Variants in GRM5 observed in about 807,000 individuals in gnomAD.
GRM5 encodes the protein metabotropic glutamate receptor 5.
In GRM5, 19 loss-of-function variants were observed where a neutral mutation model predicts 83.1. The ratio of observed to expected loss-of-function variants is 0.23; its 90% CI spans 0.16 to 0.34. The LOEUF is 0.34. Among genes scored for constraint, GRM5 ranks in the 10% least tolerant of loss-of-function variants. GRM5 has a pLI of 1.00. For missense variants in GRM5, 1,160 were observed against 1,588.3 expected, an observed-to-expected ratio of 0.73 and a Z score of 4.58; for synonymous variants, 675 against 633.6, an observed-to-expected ratio of 1.07 and a Z score of -0.98.
intron 2 of GRM5, among the ~76,000 whole-genome samples, chr11:88,955,198 T>C (rs1012324928): frequency 1.3e-5 from 2 of 152,114 alleles, no homozygotes; most frequent in Non-Finnish European, 2.9e-5. Flanking sequence ...CCAGAAGGAG[T>C]TTACTGTTAT....
chr11:88,786,521 T>C (rs1943071322), intron 3 of GRM5, among the ~76,000 whole-genome samples: 1 of 152,136 alleles, frequency 6.6e-6, no homozygotes, highest in Non-Finnish European at 1.5e-5. Flanking sequence ...CTCAGCCAAC[T>C]AGACTCTTTG....
intron 2 of GRM5, among the ~76,000 whole-genome samples, chr11:88,858,339 G>A (rs1483389924): frequency 1.3e-5 from 2 of 152,020 alleles, no homozygotes; most frequent in African/African-American, 2.4e-5. Context: ...CGCCCCACTC[G>A]TGGATTTTAA....
chr11:88,858,993 A>C (rs541414262), intron 2 of GRM5, among the ~76,000 whole-genome samples: 4 of 152,168 alleles, frequency 2.6e-5, no homozygotes, highest in African/African-American at 9.6e-5. Context: ...ACTGAGAAGG[A>C]ATAGCTCACA....
intron 3 of GRM5, among the ~76,000 whole-genome samples, chr11:88,696,532 C>G (rs976837364): frequency 4.6e-5 from 7 of 152,056 alleles, no homozygotes; most frequent in Non-Finnish European, 8.8e-5. Context: ...TCATAATGTC[C>G]ACCTTGGTGG....
At chr11:88,609,023 G>A (rs982279571) in intron 4 of GRM5, among the ~76,000 whole-genome samples, 2 of 152,178 alleles carry the variant, frequency 1.3e-5, no homozygotes, top group Admixed American at 6.5e-5. Context: ...AGGCTCAGGG[G>A]TATATGTGCA....
chr11:88,744,965 GAAGA>G (rs1591483211), intron 3 of GRM5, among the ~76,000 whole-genome samples: 1 of 152,108 alleles, frequency 6.6e-6, no homozygotes, highest in African/African-American at 2.4e-5. Context: ...GACATTGATT[GAAGA>G]GAGAGTGTAT....
chr11:88,667,493 A>C (rs955247424), intron 3 of GRM5, among the ~76,000 whole-genome samples: 2 of 152,184 alleles, frequency 1.3e-5, no homozygotes, highest in Non-Finnish European at 2.9e-5. Context: ...AAGTTATTGA[A>C]AGTAAAATGC....
chr11:88,928,902 G>GTGTATATATATA (rs1555043261), intron 2 of GRM5, among the ~76,000 whole-genome samples: 3 of 60,260 alleles, frequency 5.0e-5, no homozygotes, highest in African/African-American at 1.1e-4. Context: ...ATGTGTATGT[G>GTGTATATATATA]TATATACACA....
chr11:88,948,480 A>T (rs562171458), intron 2 of GRM5, among the ~76,000 whole-genome samples: 1 of 152,350 alleles, frequency 6.6e-6, no homozygotes, highest in Admixed American at 6.5e-5. Flanking sequence ...TGGTCACATT[A>T]TATCCTTCTT....
chr11:88,916,770 G>GGGA (rs149474184), intron 2 of GRM5, among the ~76,000 whole-genome samples: 3 of 14,674 alleles, frequency 2.0e-4, no homozygotes, highest in Non-Finnish European at 2.5e-4. Context: ...GGAAAAGAGA[G>GGGA]AGAAAAGAGA....
At chr11:88,641,639 T>C (rs567622443) in intron 4 of GRM5, among the ~76,000 whole-genome samples, 1 of 152,136 alleles carries the variant, frequency 6.6e-6, no homozygotes, top group Admixed American at 6.5e-5. Context: ...AAGGGAGAAA[T>C]TTGCCAAAAG....
At chr11:88,680,567 T>A (rs929101635) in intron 3 of GRM5, among the ~76,000 whole-genome samples, 6 of 152,194 alleles carry the variant, frequency 3.9e-5, no homozygotes, top group Admixed American at 3.9e-4. Flanking sequence ...TGGAAGACAG[T>A]GTGGCGATCC....
chr11:89,059,196 T>C (rs1301490115), intron 1 of GRM5, among the ~76,000 whole-genome samples: 12 of 152,150 alleles, frequency 7.9e-5, no homozygotes, highest in Non-Finnish European at 1.5e-4. Flanking sequence ...AGAATTTTTC[T>C]TGAATCTGAT....
chr11:88,567,104 C>G lies in GRM5; in HGVS notation c.2579G>C (p.Ser860Thr). ...GKSSSAASRSSSLVNLWKRRG... is the reference protein window; with the variant it reads ...GKSSSAASRSTSLVNLWKRRG... ...TCTCTTCCACAGGTTGACTAGGCTG[C>G]TGGATCTGCTGGCTGCGGAGGATGA... is the stretch of plus-strand genomic sequence containing the variant. The change falls in exon 8 of 10, where the codon AGC becomes ACC. Residue 860 changes from serine to threonine, a missense_variant. Physicochemically the swap from Ser to Thr is moderately conservative, Grantham distance 58. Transcript: ENST00000305447. This position sits in a 1 kb window ranked among gnomAD's most constrained non-coding sequence, Gnocchi z 7.3. The G allele has an allele frequency of 6.2e-7, 1 of 1,613,946 alleles. No individual in the cohort carries two copies. The highest frequency in any genetic ancestry group is 8.5e-7 in the Non-Finnish European group (1 of 1,179,870).
chr11:88,880,295 G>C (rs1227587526), intron 2 of GRM5, among the ~76,000 whole-genome samples: 1 of 152,086 alleles, frequency 6.6e-6, no homozygotes, highest in African/African-American at 2.4e-5. Flanking sequence ...TAGAGCACAT[G>C]AATAAATAAA....
intron 2 of GRM5, among the ~76,000 whole-genome samples, chr11:88,958,712 T>C (rs1467757393): frequency 1.3e-5 from 2 of 152,204 alleles, no homozygotes; most frequent in African/African-American, 4.8e-5. Flanking sequence ...AAGTACTGAA[T>C]GCTCCAAATG....
chr11:88,948,925 A>C (rs572856274), intron 2 of GRM5, among the ~76,000 whole-genome samples: 1 of 152,244 alleles, frequency 6.6e-6, no homozygotes, highest in Non-Finnish European at 1.5e-5. Flanking sequence ...TTGTGTTCAA[A>C]AGAGGCAACA....
At chr11:88,751,072 CAAAAAAAAAAA>C (rs774458890) in intron 3 of GRM5, among the ~76,000 whole-genome samples, 1 of 47,366 alleles carries the variant, frequency 2.1e-5, no homozygotes. Context: ...TAGCAGAAGC[CAAAAAAAAAAA>C]AAAAAAAAAA....
At chr11:89,026,832 T>A (rs1355614176) in intron 2 of GRM5, among the ~76,000 whole-genome samples, 2 of 152,212 alleles carry the variant, frequency 1.3e-5, no homozygotes, top group East Asian at 1.9e-4. Context: ...GGAAAATTAA[T>A]CTTATGACTA....
Sources: gnomAD v4.1 joint callset for allele counts (sites outside exome capture counted in the v4.1 genomes callset) on GRCh38, gnomAD v4.1.1 for gene constraint, Gnocchi (gnomAD v3.1) non-coding constraint, MANE v1.5 for transcripts, NCBI Gene and HGNC (gene_info 2026-07-23, HGNC 2026-07-21) for gene names.